Variants in SMG7 observed in about 807,000 individuals in gnomAD.
SMG7 encodes nonsense-mediated mRNA decay factor SMG7.
In SMG7, 34 loss-of-function variants were observed where a neutral mutation model predicts 148.2. That is an observed-to-expected ratio of 0.23 (90% CI 0.17 to 0.31). The LOEUF is 0.31. SMG7 is among the 10% of genes least tolerant of loss of function. The pLI is 1.00. For missense variants in SMG7, 1,114 were observed against 1,408.4 expected (o/e 0.79, Z 3.35); for synonymous variants, 492 against 515.1 (o/e 0.96, Z 0.61).
At position 183,527,711 on chromosome 1, in the gene SMG7, G is replaced by A. The variant is rs778383507; in HGVS notation, c.485-245G>A. ...GGAGCTGGTGATGCATGACACTGGA[G>A]GACCTGAAAATGGGGTCTAGGTAAG... On this transcript the variant is annotated intron_variant, in intron 5 of 22. Coordinates refer to ENST00000688051, the MANE Select transcript of SMG7 (RefSeq NM_001375584.1). This position sits in a 1 kb window ranked among gnomAD's most constrained non-coding sequence, Gnocchi z 4.0. 1.7e-5 allele frequency: 9 copies of A among 535,642 alleles called. No individual in the cohort carries two copies. The highest frequency in any genetic ancestry group is 1.4e-4 in the South Asian group (9 of 64,988). The allele number at this position is 535,642 out of a possible 1,614,324, so 33.2% of individuals were successfully genotyped here. A position where few individuals can be genotyped will look rare whatever the true frequency, so the allele number is the denominator to read the frequency against.
intron 17 of SMG7, 60 bp downstream of exon 17, chr1:183,546,397 T>C (rs1230036520): frequency 6.6e-7 from 1 of 1,523,698 alleles, no homozygotes. Flanking sequence ...GACTGTCTTT[T>C]GAATATCTCA....
intron 1 of SMG7, among the ~76,000 whole-genome samples, chr1:183,503,367 T>C (rs1336722822): frequency 6.6e-6 from 1 of 152,196 alleles, no homozygotes; most frequent in Non-Finnish European, 1.5e-5. Flanking sequence ...AGGTCCAATT[T>C]TAAAAATGTA....
chr1:183,472,695 G>A (rs1650957486), intron 1 of SMG7, 46 bp downstream of exon 1: 6 of 1,443,020 alleles, frequency 4.2e-6, no homozygotes, highest in Non-Finnish European at 4.6e-6. Flanking sequence ...CGGGCCGCAG[G>A]TTGGGGCATG....
chr1:183,512,827 T>TTTTTG lies in SMG7; in HGVS notation c.30-9_30-8insTTTGT. 1 of 1,581,002 alleles carries TTTTTG rather than the reference T, an allele frequency of 6.3e-7. No homozygotes were observed. Among genetic ancestry groups the TTTTTG allele is most frequent in the South Asian group, 1.2e-5 (1 of 83,280 alleles). ...GATACTCTTTTTTTTTTTTTTTTTT[T>TTTTTG]TCTATCTAGGCAGGCAGAAGTCCTG... On this transcript the variant is annotated splice_polypyrimidine_tract_variant and intron_variant, in intron 1 of 22. Coordinates refer to ENST00000688051, the MANE Select transcript of SMG7 (RefSeq NM_001375584.1).
chr1:183,495,575 A>C (rs1658281027), intron 1 of SMG7, among the ~76,000 whole-genome samples: 1 of 152,174 alleles, frequency 6.6e-6, no homozygotes, highest in African/African-American at 2.4e-5. Context: ...TATGCTGTTC[A>C]AAAAGGCAAA....
At chr1:183,519,812 T>A (rs1032993433) in intron 4 of SMG7, among the ~76,000 whole-genome samples, 7 of 152,200 alleles carry the variant, frequency 4.6e-5, no homozygotes, top group Non-Finnish European at 8.8e-5. Context: ...TTTAGCATTT[T>A]TGTGTATAAA....
intron 12 of SMG7, among the ~76,000 whole-genome samples, chr1:183,540,057 C>T (rs982919478): frequency 6.6e-5 from 10 of 152,178 alleles, no homozygotes; most frequent in African/African-American, 2.2e-4. Flanking sequence ...CCATTTCCCC[C>T]AGTATTTATA....
rs746896517 is a variant in SMG7 at position 183,551,981 on chromosome 1, G to A, written c.*50G>A. 1 of 1,597,960 alleles carries A rather than the reference G, an allele frequency of 6.3e-7. No individual in the cohort carries two copies. Among genetic ancestry groups the A allele is most frequent in the South Asian group, 1.1e-5 (1 of 89,072 alleles). The stretch of plus-strand genomic sequence containing the variant: ...AAGGCTCCATAAACCATGGCATGTT[G>A]GGTTTGCAGGACTGGCCCACACAGT... On this transcript the variant is annotated 3_prime_UTR_variant, in exon 23 of 23. Coordinates refer to ENST00000688051, the MANE Select transcript of SMG7 (RefSeq NM_001375584.1).
At chr1:183,551,242 T>C in intron 22 of SMG7, 52 bp downstream of exon 22, 1 of 1,512,692 alleles carries the variant, frequency 6.6e-7, no homozygotes, top group Non-Finnish European at 8.8e-7. Context: ...CAAAGGTGTC[T>C]CTGCTTTCAT....
rs1452145646 is a variant in SMG7 at position 183,549,649 on chromosome 1, A to C, written c.2974-115A>C. 6.2e-6 allele frequency: 5 copies of C among 802,098 alleles called. No homozygotes were observed. The African/African-American group carries it at 8.7e-5, about 14-fold the overall frequency. The allele number at this position is 802,098 out of a possible 1,614,324, so 49.7% of individuals were successfully genotyped here. On this transcript the variant is annotated intron_variant, in intron 19 of 22. Transcript: ENST00000688051. Reference sequence around the variant, plus strand: ...ACAAAAAGAAATAAAAGCCTTCAAAATTTCTCTTCCTAAGAAAAGCTTAAG... The same window carrying C: ...ACAAAAAGAAATAAAAGCCTTCAAACTTTCTCTTCCTAAGAAAAGCTTAAG...
intron 11 of SMG7, 59 bp downstream of exon 11, chr1:183,537,274 A>G (rs1276660767): frequency 1.6e-6 from 2 of 1,237,968 alleles, no homozygotes; most frequent in Non-Finnish European, 1.2e-6. Context: ...ATGGTGGCTT[A>G]ATGCCAGAGA....
In SMG7 at chr1:183,510,500, C is replaced by T. The variant is rs957560204; in HGVS notation, c.30-2337C>T. ...TTTGATATGATGTTACATTTTACGA[C>T]TAAGTGTGGCTATTTGTTTAGTATT... On this transcript the variant is annotated intron_variant, in intron 1 of 22. Transcript: ENST00000688051. 7.2e-5 allele frequency among the ~76,000 whole-genome samples: 11 copies of T among 151,954 alleles called. No homozygotes were observed. The East Asian group carries it at 1.4e-3, about 19-fold the overall frequency.
At chr1:183,532,526 C>T (rs2782412) in intron 8 of SMG7, among the ~76,000 whole-genome samples, 5,123 of 152,212 alleles carry the variant, frequency 0.034, 120 homozygotes, top group Non-Finnish European at 0.051. Flanking sequence ...ATTTGATGAT[C>T]ACGCATGTAC....
At chr1:183,502,618 G>T (rs751075376) in intron 1 of SMG7, among the ~76,000 whole-genome samples, 1 of 152,120 alleles carries the variant, frequency 6.6e-6, no homozygotes, top group Non-Finnish European at 1.5e-5. Flanking sequence ...GTCCAAGGAA[G>T]CTTTTGAAAA....
chr1:183,544,957 C>A lies in SMG7; in HGVS notation c.2015C>A (p.Pro672His). Residue 672 changes from proline (P) to histidine (H), a missense_variant, in exon 16 of 23, where the codon CCC (proline) becomes CAC (histidine). Pro to His is a moderately conservative substitution (Grantham distance 77). This residue lies in a region of SMG7 where 788 missense variants were observed against 894.5 expected (regional missense o/e 0.88). Transcript: ENST00000688051. Reference sequence around the variant, plus strand: ...TTTCCGCCCCCAACATATGTTATCCCCCCGCCTGTGGCATTTTCTATGGGC... The same window carrying A: ...TTTCCGCCCCCAACATATGTTATCCACCCGCCTGTGGCATTTTCTATGGGC... ...PGFPPPTYVI[P>H]PPVAFSMGSG... 1.2e-6 allele frequency: 2 copies of A among 1,613,758 alleles called. No homozygotes were observed. Among genetic ancestry groups the A allele is most frequent in the South Asian group, 2.2e-5 (2 of 91,074 alleles).
chr1:183,505,319 T>C (rs1410932074), intron 1 of SMG7, among the ~76,000 whole-genome samples: 1 of 152,216 alleles, frequency 6.6e-6, no homozygotes, highest in East Asian at 1.9e-4. Context: ...CTTATTTATC[T>C]CATAGTACTT....
chr1:183,484,360 A>T (rs2702179), intron 1 of SMG7, among the ~76,000 whole-genome samples: 51,405 of 145,002 alleles, frequency 0.35, 9,052 homozygotes, highest in East Asian at 0.52. Context: ...CTGAAAAAAA[A>T]TTTTTTTTTT....
intron 1 of SMG7, among the ~76,000 whole-genome samples, chr1:183,477,406 G>A (rs1652524095): frequency 6.6e-6 from 1 of 151,860 alleles, no homozygotes; most frequent in Non-Finnish European, 1.5e-5. Context: ...TTTTGTGTGT[G>A]TGTGTGTGTG....
At chr1:183,502,465 A>C in intron 1 of SMG7, 1 of 1,175,312 alleles carries the variant, frequency 8.5e-7, no homozygotes, top group Non-Finnish European at 1.1e-6. Flanking sequence ...ATACTCTGTG[A>C]ATACTAATAA....
Sources: gnomAD v4.1 joint callset for allele counts (sites outside exome capture counted in the v4.1 genomes callset) on GRCh38, gnomAD v4.1.1 for gene constraint, gnomAD v4.1.1 regional missense constraint, Gnocchi (gnomAD v3.1) non-coding constraint, MANE v1.5 for transcripts, NCBI Gene and HGNC (gene_info 2026-07-23, HGNC 2026-07-21) for gene names.